The following SGCD variants were observed in gnomAD, a reference collection of about 807,000 sequenced individuals.
The protein encoded by SGCD is delta-sarcoglycan.
A neutral mutation model predicts 36.6 loss-of-function variants in SGCD; 18 were observed. That is an observed-to-expected ratio of 0.49 (90% CI 0.34 to 0.73). SGCD has a LOEUF of 0.73. Among genes scored for constraint, SGCD ranks in the 30% least tolerant of loss-of-function variants. The pLI, the probability that SGCD is intolerant of heterozygous loss-of-function variation, is 0.01. For missense variants in SGCD, 387 were observed against 346.7 expected (o/e 1.12, Z -0.92); for synonymous variants, 133 against 130.6 (o/e 1.02, Z -0.12).
intron 3 of SGCD, among the ~76,000 whole-genome samples, chr5:156,257,974 A>T (rs1218678510): frequency 3.3e-5 from 5 of 152,230 alleles, no homozygotes; most frequent in Admixed American, 6.5e-5. Context: ...TATGTGCGGT[A>T]AAATGGGAAG....
chr5:156,219,256 T>A (rs1433604212), intron 3 of SGCD, among the ~76,000 whole-genome samples: 1 of 152,214 alleles, frequency 6.6e-6, no homozygotes, highest in East Asian at 1.9e-4. Context: ...CTATATTAAG[T>A]ATCATATAAG....
intron 1 of SGCD, among the ~76,000 whole-genome samples, chr5:156,328,326 T>G (rs1200463689): frequency 3.9e-5 from 6 of 152,218 alleles, no homozygotes; most frequent in Non-Finnish European, 5.9e-5. Context: ...CAGCAATCTG[T>G]GACAACATTG....
chr5:156,034,698 T>C lies in SGCD; in HGVS notation c.-281-83180T>C, dbSNP rs994678702. The stretch of plus-strand genomic sequence containing the variant: ...AAAGTTCAAGGCAAGTCAGAATCAG[T>C]TGGTCATGTGAAATTATGCAATAAA... On this transcript the variant is annotated intron_variant, in intron 1 of 9. Coordinates refer to the SGCD transcript ENST00000517913. 3.3e-5 allele frequency among the ~76,000 whole-genome samples: 5 copies of C among 152,290 alleles called. No individual in the cohort carries two copies. The East Asian group carries it at 7.7e-4, about 24-fold the overall frequency.
At chr5:156,496,087 AC>A in intron 3 of SGCD, among the ~76,000 whole-genome samples, 1 of 152,266 alleles carries the variant, frequency 6.6e-6, no homozygotes, top group African/African-American at 2.4e-5. Context: ...TCACTTCCTG[AC>A]AAAAACCTAC....
At chr5:156,157,638 A>C (rs1300477267) in intron 3 of SGCD, among the ~76,000 whole-genome samples, 1 of 151,788 alleles carries the variant, frequency 6.6e-6, no homozygotes, top group Non-Finnish European at 1.5e-5. Context: ...TATATAAACA[A>C]GAGGTTTTCT....
intron 1 of SGCD, among the ~76,000 whole-genome samples, chr5:156,052,278 G>T (rs1423797433): frequency 6.8e-6 from 1 of 145,986 alleles, no homozygotes; most frequent in Non-Finnish European, 1.5e-5. Flanking sequence ...CAGTGTCGGG[G>T]GTAAGGGGTG....
chr5:155,942,381 C>T (rs1258671898), intron 1 of SGCD, among the ~76,000 whole-genome samples: 1 of 125,844 alleles, frequency 7.9e-6, no homozygotes, highest in Non-Finnish European at 1.8e-5. Context: ...GCCTACCTAC[C>T]TAATCAATCA....
At chr5:156,235,505 A>G (rs772385113) in intron 3 of SGCD, among the ~76,000 whole-genome samples, 6 of 152,342 alleles carry the variant, frequency 3.9e-5, no homozygotes, top group Non-Finnish European at 8.8e-5. Context: ...CCAACAGCCA[A>G]GTGTAACCAT....
At chr5:156,592,079 TTTA>T (rs1760744033) in intron 5 of SGCD, among the ~76,000 whole-genome samples, 1 of 152,186 alleles carries the variant, frequency 6.6e-6, no homozygotes, top group South Asian at 2.1e-4. Flanking sequence ...GCTATAGTCC[TTTA>T]GTATATGCTT....
chr5:156,218,570 A>G (rs1764635902), intron 3 of SGCD, among the ~76,000 whole-genome samples: 1 of 152,092 alleles, frequency 6.6e-6, no homozygotes, highest in African/African-American at 2.4e-5. Flanking sequence ...TGACATGACT[A>G]TTTTTGCCTG....
At chr5:156,036,005 G>A (rs949608328) in intron 1 of SGCD, among the ~76,000 whole-genome samples, 3 of 152,138 alleles carry the variant, frequency 2.0e-5, no homozygotes, top group African/African-American at 7.2e-5. Context: ...ACACAAGAAT[G>A]TGCTTTCACC....
intron 3 of SGCD, among the ~76,000 whole-genome samples, chr5:156,256,600 G>A (rs2127663277): frequency 6.6e-6 from 1 of 152,186 alleles, no homozygotes; most frequent in South Asian, 2.1e-4. Context: ...CCCGTTCTTA[G>A]TAATTTTGAT....
intron 4 of SGCD, among the ~76,000 whole-genome samples, chr5:156,536,071 G>A (rs893277228): frequency 6.6e-6 from 1 of 152,040 alleles, no homozygotes; most frequent in African/African-American, 2.4e-5. Context: ...TGATAATGGG[G>A]ATATTTAATG....
At chr5:155,850,877 G>T in the SGCD span, among the ~76,000 whole-genome samples, 3 of 152,220 alleles carry the variant, frequency 2.0e-5, no homozygotes, top group African/African-American at 7.2e-5. Context: ...AGCGACAGAA[G>T]TAGAATGGGC....
At chr5:156,142,714 G>A (rs181656415) in intron 3 of SGCD, among the ~76,000 whole-genome samples, 54 of 152,262 alleles carry the variant, frequency 3.5e-4, no homozygotes, top group African/African-American at 1.0e-3. Flanking sequence ...TAGGGTATCC[G>A]GTGGATGAAA....
rs180898690 is a variant in SGCD, at chr5:156,757,722, C to G, written c.699+18C>G. On this transcript the variant is annotated intron_variant, in intron 8 of 8. Transcript: ENST00000337851. ...ATGGAGAGGTGAGGGATGAGAAGGACAGAAGTTCAAAGAGCTACAGCTTCA... is the reference window on the plus strand; with the variant it reads ...ATGGAGAGGTGAGGGATGAGAAGGAGAGAAGTTCAAAGAGCTACAGCTTCA... The G allele has an allele frequency of 2.2e-4, 358 of 1,596,596 alleles. 2 individuals are homozygous for G. The East Asian group carries it at 7.0e-3, about 31-fold the overall frequency.
intron 4 of SGCD, among the ~76,000 whole-genome samples, chr5:156,544,792 T>C (rs1055251473): frequency 2.6e-5 from 4 of 152,184 alleles, no homozygotes; most frequent in Non-Finnish European, 5.9e-5. Context: ...ATTATTATCA[T>C]TGACCATGTT....
intron 1 of SGCD, among the ~76,000 whole-genome samples, chr5:155,973,514 G>C (rs1758046235): frequency 6.6e-6 from 1 of 152,132 alleles, no homozygotes; most frequent in Non-Finnish European, 1.5e-5. Flanking sequence ...ATGGTGATGG[G>C]TTTTCTAAAT....
At chr5:156,638,926 CA>C in intron 6 of SGCD, among the ~76,000 whole-genome samples, 1 of 152,132 alleles carries the variant, frequency 6.6e-6, no homozygotes, top group Non-Finnish European at 1.5e-5. Flanking sequence ...TTAGAGTTTT[CA>C]AAAGAGAATG....
Sources: allele counts gnomAD v4.1 joint callset (sites outside exome capture counted in the v4.1 genomes callset), GRCh38; gene constraint gnomAD v4.1.1; transcripts MANE v1.5; gene names NCBI Gene and HGNC (gene_info 2026-07-23, HGNC 2026-07-21).